The following ADAMTS18 variants were observed in gnomAD, a reference collection of about 807,000 sequenced individuals.
ADAMTS18 encodes the protein A disintegrin and metalloproteinase with thrombospondin motifs 18.
Under a neutral mutation model 165.9 loss-of-function variants are expected in ADAMTS18, and 157 were observed. The observed-to-expected ratio is 0.95, with a 90% CI of 0.83 to 1.08. The LOEUF (loss-of-function observed/expected upper bound fraction) is 1.08, where lower values mean the gene tolerates loss of function less well. ADAMTS18 is among the 50% of genes least tolerant of loss of function. The pLI is 0.00. For missense variants in ADAMTS18, 2,040 were observed against 1,534.0 expected, an observed-to-expected ratio of 1.33 and a Z score of -5.51; for synonymous variants, 782 against 578.2, an observed-to-expected ratio of 1.35 and a Z score of -5.06.
At chr16:77,306,547 T>C (rs2055685093) in intron 16 of ADAMTS18, among the ~76,000 whole-genome samples, 1 of 152,240 alleles carries the variant, frequency 6.6e-6, no homozygotes, top group Admixed American at 6.5e-5. Flanking sequence ...TGTTTCATTA[T>C]TTAAGGCCTC....
chr16:77,384,314 C>A (rs768402271), intron 3 of ADAMTS18, among the ~76,000 whole-genome samples: 4 of 152,168 alleles, frequency 2.6e-5, no homozygotes, highest in Non-Finnish European at 5.9e-5. Flanking sequence ...ACAGCCCCCT[C>A]GTAGGCTTCC....
chr16:77,409,332 A>C (rs2057431606), intron 3 of ADAMTS18, among the ~76,000 whole-genome samples: 1 of 152,204 alleles, frequency 6.6e-6, no homozygotes, highest in South Asian at 2.1e-4. Context: ...CTTTAGACTA[A>C]AGCTACATTG....
chr16:77,416,508 C>G (rs1263557073), intron 3 of ADAMTS18, among the ~76,000 whole-genome samples: 2 of 152,142 alleles, frequency 1.3e-5, no homozygotes, highest in Non-Finnish European at 2.9e-5. Context: ...CTCAGGAGAT[C>G]TGATGGTTTT....
intron 3 of ADAMTS18, among the ~76,000 whole-genome samples, chr16:77,372,455 G>T (rs2056889798): frequency 6.6e-6 from 1 of 152,216 alleles, no homozygotes; most frequent in Admixed American, 6.5e-5. Flanking sequence ...CTTGTAATTT[G>T]TGGTAACACA....
intron 3 of ADAMTS18, among the ~76,000 whole-genome samples, chr16:77,384,615 C>T (rs547716187): frequency 3.3e-5 from 5 of 152,212 alleles, no homozygotes; most frequent in Admixed American, 1.3e-4. Flanking sequence ...AACCAATGTA[C>T]GTTATAGAAA....
chr16:77,379,348 C>T (rs1033694723), intron 3 of ADAMTS18, among the ~76,000 whole-genome samples: 2 of 151,664 alleles, frequency 1.3e-5, no homozygotes, highest in South Asian at 2.1e-4. Context: ...GGGAGAAGAA[C>T]GCTTGCTACT....
At chr16:77,320,444 G>C (rs1289412727) in intron 15 of ADAMTS18, among the ~76,000 whole-genome samples, 1 of 152,114 alleles carries the variant, frequency 6.6e-6, no homozygotes, top group Non-Finnish European at 1.5e-5. Flanking sequence ...TTTGAGACCA[G>C]CCTGGCCAGT....
intron 12 of ADAMTS18, among the ~76,000 whole-genome samples, chr16:77,333,875 T>G (rs1484271119): frequency 1.0e-5 from 1 of 98,376 alleles, no homozygotes; most frequent in Admixed American, 9.5e-5. Flanking sequence ...ATATTATATA[T>G]AGTATATTAG....
chr16:77,312,361 C>G (rs1047318812), intron 16 of ADAMTS18, among the ~76,000 whole-genome samples: 1 of 152,068 alleles, frequency 6.6e-6, no homozygotes, highest in Non-Finnish European at 1.5e-5. Flanking sequence ...CCTCAGCCTC[C>G]CCAGTACCTA....
chr16:77,414,607 C>A (rs2144835470), intron 3 of ADAMTS18, among the ~76,000 whole-genome samples: 1 of 152,102 alleles, frequency 6.6e-6, no homozygotes, highest in South Asian at 2.1e-4. Context: ...TAGCCTGAAG[C>A]AAAGAGATGG....
intron 16 of ADAMTS18, among the ~76,000 whole-genome samples, chr16:77,309,356 T>C (rs535986816): frequency 5.3e-5 from 8 of 152,246 alleles, no homozygotes; most frequent in Admixed American, 2.0e-4. Context: ...GCCTAAGAAA[T>C]TTAAGACCTA....
chr16:77,285,277 G>A (rs1195019161), intron 22 of ADAMTS18, among the ~76,000 whole-genome samples: 1 of 152,098 alleles, frequency 6.6e-6, no homozygotes, highest in Non-Finnish European at 1.5e-5. Context: ...TATTCAAATG[G>A]TTCTCCTGCG....
intron 13 of ADAMTS18, among the ~76,000 whole-genome samples, chr16:77,324,710 T>G (rs1242769296): frequency 1.3e-5 from 2 of 152,220 alleles, no homozygotes; most frequent in Non-Finnish European, 2.9e-5. Flanking sequence ...GGAGACAATA[T>G]GGCTAGAATG....
At chr16:77,408,992 T>C (rs1187733438) in intron 3 of ADAMTS18, among the ~76,000 whole-genome samples, 2 of 137,200 alleles carry the variant, frequency 1.5e-5, no homozygotes, top group Non-Finnish European at 1.6e-5. Context: ...TTATTATTGA[T>C]AATCTCTTAC....
At chr16:77,369,911 AG>A (rs1163279639) in intron 3 of ADAMTS18, among the ~76,000 whole-genome samples, 1 of 152,224 alleles carries the variant, frequency 6.6e-6, no homozygotes, top group African/African-American at 2.4e-5. Flanking sequence ...AATTCATCTC[AG>A]GGTTGCAATA....
At chr16:77,372,076 T>C (rs1046137361) in intron 3 of ADAMTS18, among the ~76,000 whole-genome samples, 13 of 152,194 alleles carry the variant, frequency 8.5e-5, no homozygotes, top group Middle Eastern at 3.4e-3. Flanking sequence ...ATATGAGATA[T>C]TACCTCACCC....
intron 3 of ADAMTS18, among the ~76,000 whole-genome samples, chr16:77,393,934 C>T (rs1597218427): frequency 1.3e-5 from 2 of 152,300 alleles, no homozygotes; most frequent in South Asian, 2.1e-4. Context: ...TTTACTTAGC[C>T]GGGATGTACA....
Position 77,367,557 on chromosome 16 carries a change from C to G in ADAMTS18, c.662G>C (p.Gly221Ala). 6.2e-7 allele frequency: 1 copy of G among 1,614,232 alleles called. No individual in the cohort carries two copies. The highest frequency in any genetic ancestry group is 8.5e-7 in the Non-Finnish European group (1 of 1,180,040). ...TGGGGAGTAACCAGGATAATTCCGG[C>G]CAGAGCCGGGGTAGCCACGGTACCG... ...IQRYRGYPGSGRNYPGYSPSH... is the reference protein window; with the variant it reads ...IQRYRGYPGSARNYPGYSPSH... Residue 221 changes from glycine (G) to alanine (A), a missense_variant, in exon 4 of 23, where the codon GGC (glycine) becomes GCC (alanine). Coordinates refer to ENST00000282849, the MANE Select transcript of ADAMTS18 (RefSeq NM_199355.4).
chr16:77,424,964 T>C (rs964880011), intron 3 of ADAMTS18, among the ~76,000 whole-genome samples: 5 of 152,234 alleles, frequency 3.3e-5, no homozygotes, highest in Non-Finnish European at 5.9e-5. Flanking sequence ...CTTCAGCCCT[T>C]TTATGAATGG....
Sources: allele counts gnomAD v4.1 joint callset (sites outside exome capture counted in the v4.1 genomes callset), GRCh38; gene constraint gnomAD v4.1.1; transcripts MANE v1.5; gene names NCBI Gene and HGNC (gene_info 2026-07-23, HGNC 2026-07-21).